The following SHTN1 variants were observed in gnomAD, a reference collection of about 807,000 sequenced individuals.
The protein encoded by SHTN1 is shootin 1.
In SHTN1, 42 loss-of-function variants were observed where a neutral mutation model predicts 83.1. The observed-to-expected ratio is 0.51, with a 90% confidence interval of 0.39 to 0.65. The LOEUF is 0.65. Among genes scored for constraint, SHTN1 ranks in the 30% least tolerant of loss-of-function variants. SHTN1 has a pLI of 0.00. For missense variants in SHTN1, 622 were observed against 737.8 expected, an observed-to-expected ratio of 0.84 and a Z score of 1.82; for synonymous variants, 224 against 247.7, an observed-to-expected ratio of 0.90 and a Z score of 0.90.
intron 1 of SHTN1, among the ~76,000 whole-genome samples, chr10:117,054,759 C>T (rs1319133318): frequency 6.6e-6 from 1 of 152,062 alleles, no homozygotes; most frequent in African/African-American, 2.4e-5. Context: ...AAGGTATAGA[C>T]AGAGCCTTAC....
chr10:117,052,020 A>ATATATATATATATATATG (rs1280560233), intron 1 of SHTN1, among the ~76,000 whole-genome samples: 1 of 137,982 alleles, frequency 7.2e-6, no homozygotes, highest in African/African-American at 2.6e-5. Flanking sequence ...ATATATATAT[A>ATATATATATATATATATG]TAGAAAAGCC....
At chr10:117,076,536 G>A (rs1217600744) in intron 1 of SHTN1, among the ~76,000 whole-genome samples, 1 of 151,432 alleles carries the variant, frequency 6.6e-6, no homozygotes, top group African/African-American at 2.4e-5. Context: ...AACTCTGCCT[G>A]AAAAATGTGC....
intron 1 of SHTN1, among the ~76,000 whole-genome samples, chr10:117,082,931 C>G (rs925333238): frequency 1.3e-5 from 2 of 151,026 alleles, no homozygotes; most frequent in African/African-American, 4.8e-5. Flanking sequence ...TATGTGTGCT[C>G]TGCACGTGAG....
At chr10:116,953,623 GTTTTTTTTTT>G (rs759706275) in intron 5 of SHTN1, among the ~76,000 whole-genome samples, 5 of 92,720 alleles carry the variant, frequency 5.4e-5, no homozygotes, top group South Asian at 4.2e-4. Flanking sequence ...TTTGTGTTTT[GTTTTTTTTTT>G]TTTTTTTTTT....
At chr10:117,072,069 C>A (rs1437688834) in intron 1 of SHTN1, among the ~76,000 whole-genome samples, 1 of 152,118 alleles carries the variant, frequency 6.6e-6, no homozygotes, top group Non-Finnish European at 1.5e-5. Context: ...GCTGGTATTT[C>A]TTACTTTGGG....
At chr10:117,010,256 A>G (rs185338525), upstream of SHTN1, among the ~76,000 whole-genome samples, 124 of 152,218 alleles carry the variant, frequency 8.1e-4, no homozygotes, top group African/African-American at 2.8e-3. Context: ...TTCAGAAATA[A>G]AAAGGATTCT....
upstream of SHTN1, among the ~76,000 whole-genome samples, chr10:117,010,462 T>C (rs1399406748): frequency 6.6e-6 from 1 of 151,984 alleles, no homozygotes; most frequent in Non-Finnish European, 1.5e-5. Context: ...TGAAAATAAG[T>C]TCAGGCCCAG....
intron 1 of SHTN1, among the ~76,000 whole-genome samples, chr10:117,097,810 A>C (rs370612659): frequency 1.3e-5 from 2 of 152,168 alleles, no homozygotes; most frequent in South Asian, 2.1e-4. Context: ...ATCTCTATTT[A>C]AGACTCTTCT....
At chr10:117,084,411 G>A (rs1162170430) in intron 1 of SHTN1, among the ~76,000 whole-genome samples, 2 of 152,224 alleles carry the variant, frequency 1.3e-5, no homozygotes, top group Middle Eastern at 3.2e-3. Flanking sequence ...ATCTCCAGCT[G>A]CGTACTGGGA....
At chr10:117,020,692 A>G (rs187492322) in intron 2 of SHTN1, among the ~76,000 whole-genome samples, 1 of 152,240 alleles carries the variant, frequency 6.6e-6, no homozygotes, top group East Asian at 1.9e-4. Flanking sequence ...CTAAATATAC[A>G]GGAAAAAGAT....
At chr10:117,030,855 G>T (rs1330492736) in intron 2 of SHTN1, among the ~76,000 whole-genome samples, 1 of 152,000 alleles carries the variant, frequency 6.6e-6, no homozygotes, top group East Asian at 1.9e-4. Context: ...CACATGTACA[G>T]AATCTAGAAA....
At chr10:117,060,116 G>C (rs1246629540) in intron 1 of SHTN1, among the ~76,000 whole-genome samples, 1 of 152,074 alleles carries the variant, frequency 6.6e-6, no homozygotes, top group Non-Finnish European at 1.5e-5. Flanking sequence ...AGGAAGCTGA[G>C]GCAGGAGGAT....
intron 1 of SHTN1, among the ~76,000 whole-genome samples, chr10:117,056,204 C>T (rs1169861893): frequency 6.6e-6 from 1 of 152,136 alleles, no homozygotes; most frequent in African/African-American, 2.4e-5. Flanking sequence ...GGAACACTTA[C>T]CAACTCAATG....
At position 116,886,385 on chromosome 10, in the gene SHTN1, T is replaced by A; in HGVS notation, c.1855A>T (p.Ser619Cys). ...GEIQPENKED[S>C]IENVRETDSS... ...TCTGTCTCTCTCACGTTTTCAATGC[T>A]GTCTTCTTTGTTTTCTGGTTGAATT... The change falls in exon 17 of 17, where the codon AGC (serine) becomes TGC (cysteine). Residue 619 changes from serine (S) to cysteine (C), a missense_variant. Coordinates refer to ENST00000355371, the MANE Select transcript of SHTN1 (RefSeq NM_001127211.3). 2 of 1,565,892 alleles carry A rather than the reference T, an allele frequency of 1.3e-6. No homozygotes were observed. The highest frequency in any genetic ancestry group is 1.7e-6 in the Non-Finnish European group (2 of 1,153,474).
At chr10:116,988,766 G>A (rs913495494) in intron 1 of SHTN1, among the ~76,000 whole-genome samples, 2 of 151,978 alleles carry the variant, frequency 1.3e-5, no homozygotes, top group East Asian at 1.9e-4. Context: ...GGTTGTACTC[G>A]TGGCCTCAAA....
intron 1 of SHTN1, among the ~76,000 whole-genome samples, chr10:117,060,028 C>T (rs987257575): frequency 6.6e-6 from 1 of 152,048 alleles, no homozygotes; most frequent in Non-Finnish European, 1.5e-5. Context: ...CTGGGCAATA[C>T]AGCCAAACTC....
intron 1 of SHTN1, among the ~76,000 whole-genome samples, chr10:117,058,604 T>C (rs1192830350): frequency 6.6e-6 from 1 of 152,174 alleles, no homozygotes; most frequent in Non-Finnish European, 1.5e-5. Flanking sequence ...GCAGCCATTA[T>C]GAAAAACGAT....
intron 1 of SHTN1, among the ~76,000 whole-genome samples, chr10:116,992,839 T>G (rs1851487953): frequency 6.6e-6 from 1 of 152,110 alleles, no homozygotes; most frequent in Non-Finnish European, 1.5e-5. Flanking sequence ...TTATTCAGAT[T>G]ACAATGCATT....
chr10:117,124,211 CAA>C (rs779250492), intron 1 of SHTN1, among the ~76,000 whole-genome samples: 19 of 65,830 alleles, frequency 2.9e-4, no homozygotes, highest in Admixed American at 6.9e-4. Context: ...GATTATGTCT[CAA>C]AAAAAAAAAA....
Sources: gnomAD v4.1 joint callset for allele counts (sites outside exome capture counted in the v4.1 genomes callset) on GRCh38, gnomAD v4.1.1 for gene constraint, MANE v1.5 for transcripts, NCBI Gene and HGNC (gene_info 2026-07-23, HGNC 2026-07-21) for gene names.